Variants in DEPDC7 observed in about 807,000 individuals in gnomAD.
DEPDC7 encodes DEP domain containing 7.
DEPDC7 carries 41 observed loss-of-function variants against 56.6 expected under a neutral mutation model. The ratio of observed to expected loss-of-function variants is 0.72; its 90% CI spans 0.56 to 0.94. The LOEUF (loss-of-function observed/expected upper bound fraction) is 0.94, where lower values mean the gene tolerates loss of function less well. DEPDC7 is among the 40% of genes least tolerant of loss of function. DEPDC7 has a pLI of 0.00. For synonymous variants in DEPDC7, 185 were observed against 208.8 expected (o/e 0.89, Z 0.98); for missense variants, 522 against 596.3 (o/e 0.88, Z 1.30).
At chr11:33,020,461 G>C (rs1853512363) in intron 1 of DEPDC7, among the ~76,000 whole-genome samples, 1 of 152,168 alleles carries the variant, frequency 6.6e-6, no homozygotes, top group African/African-American at 2.4e-5. Flanking sequence ...GAGACTATGT[G>C]TTGAAGGCTA....
intron 2 of DEPDC7, 82 bp from the exon 3 acceptor site, chr11:33,027,604 T>C: frequency 1.6e-6 from 2 of 1,287,570 alleles, no homozygotes; most frequent in South Asian, 2.0e-5. Flanking sequence ...TGCATAACTC[T>C]GTAGAAAACT....
chr11:33,028,144 A>T, intron 3 of DEPDC7: 1 of 208,556 alleles, frequency 4.8e-6, no homozygotes, highest in East Asian at 1.2e-4. Context: ...TGAAAATTAC[A>T]TTAAAACATT....
intron 6 of DEPDC7, 84 bp from the exon 7 acceptor site, chr11:33,032,584 A>G: frequency 9.0e-6 from 12 of 1,334,522 alleles, no homozygotes; most frequent in South Asian, 7.5e-5. Flanking sequence ...AATGTATAAT[A>G]GCTATTAATA....
chr11:33,033,344 A>C lies in DEPDC7; in HGVS notation c.1425A>C (p.Leu475Phe). The change falls in exon 9 of 9, where the codon TTA (leucine) becomes TTC (phenylalanine). Residue 475 changes from leucine to phenylalanine, a missense_variant. Leu to Phe is a conservative substitution (Grantham distance 22, BLOSUM62 0). Transcript: ENST00000241051. The stretch of plus-strand genomic sequence containing the variant: ...CAACCAAAGATGAGCTGTTGAATTT[A>C]CTAAAAACTCTTGATGAGGATTCAA... Reference protein sequence around the residue: ...EKTTKDELLNLLKTLDEDSKL... With the variant: ...EKTTKDELLNFLKTLDEDSKL... 2 of 1,611,446 alleles carry C rather than the reference A, an allele frequency of 1.2e-6. No individual in the cohort carries two copies. Among genetic ancestry groups the C allele is most frequent in the Middle Eastern group, 1.7e-4 (1 of 6,050 alleles).
At chr11:33,031,329 T>A (rs1363066819) in intron 4 of DEPDC7, 49 bp from the exon 5 acceptor site, 1 of 1,431,674 alleles carries the variant, frequency 7.0e-7, no homozygotes, top group Admixed American at 1.7e-5. Flanking sequence ...CTTTGCCTTT[T>A]AAATAATCTT....
chr11:33,029,279 CTT>C (rs765956768), intron 4 of DEPDC7, among the ~76,000 whole-genome samples: 1 of 151,646 alleles, frequency 6.6e-6, no homozygotes, highest in Non-Finnish European at 1.5e-5. Context: ...GGGTGGATCA[CTT>C]GAGGTCAGGA....
chr11:33,027,601 C>A, intron 2 of DEPDC7, 85 bp from the exon 3 acceptor site: 1 of 1,275,270 alleles, frequency 7.8e-7, no homozygotes, highest in Non-Finnish European at 1.0e-6. Context: ...AAATGCATAA[C>A]TCTGTAGAAA....
chr11:33,025,544 G>T (rs887776562), intron 1 of DEPDC7, 115 bp from the exon 2 acceptor site: 9 of 984,268 alleles, frequency 9.1e-6, no homozygotes, highest in Non-Finnish European at 1.4e-5. Flanking sequence ...CCTCATAATT[G>T]CTCCTTATCA....
chr11:33,015,951 G>C lies in DEPDC7; in HGVS notation c.-5G>C, dbSNP rs1438710113. The C allele has an allele frequency of 6.4e-7, 1 of 1,573,960 alleles. No individual in the cohort carries two copies. Among genetic ancestry groups the C allele is most frequent in the East Asian group, 2.4e-5 (1 of 42,106 alleles). On this transcript the variant is annotated 5_prime_UTR_variant, in exon 1 of 9. Coordinates refer to ENST00000241051, the MANE Select transcript of DEPDC7 (RefSeq NM_001077242.2). ...GGAGGAGTTGGCGTCCGGGGAGCAAGGGCCATGGCCACCGTGCAGGAGAAG... is the reference window on the plus strand; with the variant it reads ...GGAGGAGTTGGCGTCCGGGGAGCAACGGCCATGGCCACCGTGCAGGAGAAG...
rs369355382 is a variant in DEPDC7, at chr11:33,025,873, G to A, written c.288G>A (p.Val96=). Residue 96 remains valine, a synonymous_variant, in exon 2 of 9, where the codon GTG becomes GTA. Coordinates refer to ENST00000241051, the MANE Select transcript of DEPDC7 (RefSeq NM_001077242.2). The stretch of plus-strand genomic sequence containing the variant: ...TAGATATTCCTCGAGCCAAAGTGGT[G>A]AGAGTGTGTCAAGCGCTTATGGACT... ...GDVDIPRAKV[V]RVCQALMDYK... 2.2e-5 allele frequency: 36 copies of A among 1,614,078 alleles called. No individual in the cohort carries two copies. The African/African-American group carries it at 4.4e-4, about 20-fold the overall frequency.
At chr11:33,028,931 G>A in intron 4 of DEPDC7, 139 bp downstream of exon 4, 1 of 540,326 alleles carries the variant, frequency 1.9e-6, no homozygotes, top group African/African-American at 2.0e-5. Flanking sequence ...TTGAGAATGT[G>A]AAGAACAAAA....
chr11:33,016,401 A>G (rs1481177914), intron 1 of DEPDC7: 12 of 1,502,878 alleles, frequency 8.0e-6, no homozygotes, highest in Non-Finnish European at 8.8e-6. Context: ...GAATTTGTGT[A>G]GTTCTTTGCC....
At chr11:33,017,378 G>A (rs1183717739) in intron 1 of DEPDC7, among the ~76,000 whole-genome samples, 1 of 152,124 alleles carries the variant, frequency 6.6e-6, no homozygotes, top group Non-Finnish European at 1.5e-5. Context: ...TTCTCTAATA[G>A]CTGAAATACC....
chr11:33,031,272 G>T, intron 4 of DEPDC7, 106 bp from the exon 5 acceptor site: 1 of 771,750 alleles, frequency 1.3e-6, no homozygotes, highest in Non-Finnish European at 2.1e-6. Context: ...TTATCCTGAT[G>T]GCTTGAAATA....
chr11:33,032,514 A>G (rs1397235119), intron 6 of DEPDC7, 36 bp downstream of exon 6: 1 of 1,518,122 alleles, frequency 6.6e-7, no homozygotes, highest in South Asian at 1.3e-5. Context: ...TGTATTTAAT[A>G]TCCTTAATAC....
chr11:33,017,379 C>A (rs944551183), intron 1 of DEPDC7, among the ~76,000 whole-genome samples: 4 of 152,182 alleles, frequency 2.6e-5, no homozygotes, highest in African/African-American at 9.7e-5. Flanking sequence ...TCTCTAATAG[C>A]TGAAATACCA....
At position 33,026,044 on chromosome 11, in the gene DEPDC7, T is replaced by G; in HGVS notation, c.459T>G (p.Pro153=). 1 of 1,613,914 alleles carries G rather than the reference T, an allele frequency of 6.2e-7. No homozygotes were observed. Among genetic ancestry groups the G allele is most frequent in the South Asian group, 1.1e-5 (1 of 91,064 alleles). ...GCAAAGAGAACAAACTATATTCACC[T>G]GCCAGGTTGGTATATAATGTTAGAT... The part of the protein sequence containing the change: ...QLGKENKLYS[P]ARYADALFKS... Residue 153 remains proline, a synonymous_variant, in exon 2 of 9, where the codon CCT becomes CCG. Transcript: ENST00000241051.
chr11:33,026,018 G>C lies in DEPDC7; in HGVS notation c.433G>C (p.Gly145Arg), dbSNP rs773955423. The C allele has an allele frequency of 5.6e-6, 9 of 1,614,014 alleles. No homozygotes were observed. The South Asian group carries it at 9.9e-5, about 18-fold the overall frequency. The change falls in exon 2 of 9, where the codon GGC becomes CGC. Residue 145 changes from glycine (G) to arginine (R), a missense_variant. Physicochemically the swap from Gly to Arg is moderately radical, Grantham distance 125 (BLOSUM62 -2). Transcript: ENST00000241051. ...AATACCTAACCAAGACAGTCAGTTA[G>C]GCAAAGAGAACAAACTATATTCACC... The part of the protein sequence containing the change: ...TTIPNQDSQL[G>R]KENKLYSPAR...
rs749968641 is a variant in DEPDC7 at position 33,025,640 on chromosome 11, A to G, written c.74-19A>G. On this transcript the variant is annotated intron_variant, in intron 1 of 8. Coordinates refer to ENST00000241051, the MANE Select transcript of DEPDC7 (RefSeq NM_001077242.2). Reference sequence around the variant, plus strand: ...CAAGGTACTAAATCCCAGTTTCTCTATGATTTTTCTCCTTCTAGGTTTCAG... The same window carrying G: ...CAAGGTACTAAATCCCAGTTTCTCTGTGATTTTTCTCCTTCTAGGTTTCAG... The G allele has an allele frequency of 3.2e-6, 5 of 1,585,320 alleles. No individual in the cohort carries two copies. The highest frequency in any genetic ancestry group is 3.6e-5 in the Admixed American group (2 of 55,986).
Sources: gnomAD v4.1 joint callset for allele counts (sites outside exome capture counted in the v4.1 genomes callset) on GRCh38, gnomAD v4.1.1 for gene constraint, MANE v1.5 for transcripts, NCBI Gene and HGNC (gene_info 2026-07-23, HGNC 2026-07-21) for gene names.